The following PARL variants were observed in gnomAD, a reference collection of about 807,000 sequenced individuals.
PARL encodes the protein presenilin-associated rhomboid-like protein, mitochondrial.
In PARL, 44 loss-of-function variants were observed where a neutral mutation model predicts 51.6. The observed-to-expected ratio is 0.85, with a 90% CI of 0.67 to 1.10. PARL has a LOEUF of 1.10. PARL is among the 50% of genes least tolerant of loss of function. PARL has a pLI of 0.00. For missense variants in PARL, 441 were observed against 469.5 expected (o/e 0.94, Z 0.56); for synonymous variants, 172 against 164.0 (o/e 1.05, Z -0.37).
At chr3:183,877,168 C>T (rs963589460) in intron 1 of PARL, among the ~76,000 whole-genome samples, 9 of 152,066 alleles carry the variant, frequency 5.9e-5, no homozygotes, top group African/African-American at 1.7e-4. Flanking sequence ...GAGCCAAGAT[C>T]GTGCCATTGC....
At chr3:183,845,396 C>T (rs1248294326) in intron 4 of PARL, among the ~76,000 whole-genome samples, 1 of 152,090 alleles carries the variant, frequency 6.6e-6, no homozygotes, top group African/African-American at 2.4e-5. Flanking sequence ...ACATTTTTTC[C>T]ATTTTAATAT....
chr3:183,834,886 C>CAAAAAAAAAAAAAAA (rs60078452), intron 7 of PARL, among the ~76,000 whole-genome samples: 13 of 108,616 alleles, frequency 1.2e-4, no homozygotes, highest in Admixed American at 3.0e-4. Context: ...ACTAAAAATA[C>CAAAAAAAAAAAAAAA]AAAAAAAAAA....
chr3:183,879,730 G>A (rs1387688958), intron 1 of PARL: 25 of 978,960 alleles, frequency 2.6e-5, no homozygotes, highest in Non-Finnish European at 2.4e-5. Context: ...TTTTTTTGGT[G>A]GGCGGGGGGA....
At chr3:183,837,975 A>G (rs1728831276) in intron 7 of PARL, among the ~76,000 whole-genome samples, 1 of 152,004 alleles carries the variant, frequency 6.6e-6, no homozygotes, top group South Asian at 2.1e-4. Flanking sequence ...TATCCAGGAT[A>G]GTACCAATAC....
chr3:183,832,762 G>A (rs1388616264), intron 9 of PARL, among the ~76,000 whole-genome samples: 1 of 152,142 alleles, frequency 6.6e-6, no homozygotes, highest in Admixed American at 6.6e-5. Flanking sequence ...AAGCACACGT[G>A]GAAGGTCTTG....
intron 9 of PARL, among the ~76,000 whole-genome samples, chr3:183,832,966 C>T (rs1344833031): frequency 6.6e-6 from 1 of 152,152 alleles, no homozygotes; most frequent in African/African-American, 2.4e-5. Context: ...AATAGTATAA[C>T]ATAAGGGAAC....
intron 1 of PARL, among the ~76,000 whole-genome samples, chr3:183,869,569 C>A (rs935035842): frequency 6.6e-6 from 1 of 151,764 alleles, no homozygotes; most frequent in Non-Finnish European, 1.5e-5. Flanking sequence ...ATTATGATAT[C>A]CCTTCTAGAA....
intron 4 of PARL, among the ~76,000 whole-genome samples, chr3:183,858,752 G>C (rs1026076823): frequency 6.6e-6 from 1 of 152,098 alleles, no homozygotes; most frequent in Non-Finnish European, 1.5e-5. Context: ...AGAAAATTAG[G>C]TGAAATATAA....
At chr3:183,863,882 C>T (rs991937898) in intron 3 of PARL, among the ~76,000 whole-genome samples, 4 of 152,184 alleles carry the variant, frequency 2.6e-5, no homozygotes, top group Admixed American at 6.5e-5. Context: ...AGGTTTTATA[C>T]ATTCAACTTA....
intron 8 of PARL, 35 bp downstream of exon 8, chr3:183,833,689 C>T: frequency 1.4e-6 from 2 of 1,474,636 alleles, no homozygotes; most frequent in Non-Finnish European, 1.9e-6. Flanking sequence ...AACATCACCA[C>T]TATCCCCAGC....
intron 1 of PARL, among the ~76,000 whole-genome samples, chr3:183,876,632 A>G (rs866046776): frequency 0.051 from 6,094 of 118,402 alleles, 142 homozygotes; most frequent in Middle Eastern, 0.1. Flanking sequence ...AAAAAAAAAA[A>G]AAAAAAGAAA....
At chr3:183,835,842 C>A (rs752783015) in intron 7 of PARL, among the ~76,000 whole-genome samples, 1 of 150,516 alleles carries the variant, frequency 6.6e-6, no homozygotes, top group African/African-American at 2.4e-5. Context: ...CTCAAAAAAA[C>A]CCCAAAACAA....
At chr3:183,854,326 G>A (rs775080393) in intron 4 of PARL, among the ~76,000 whole-genome samples, 8 of 152,000 alleles carry the variant, frequency 5.3e-5, no homozygotes, top group Non-Finnish European at 1.2e-4. Flanking sequence ...AATAACAAGA[G>A]GTAGAAATAA....
chr3:183,845,522 C>T (rs764635296), intron 4 of PARL, among the ~76,000 whole-genome samples: 20 of 152,238 alleles, frequency 1.3e-4, no homozygotes, highest in Admixed American at 4.6e-4. Context: ...AGATGTCTCA[C>T]TAGCAGGGAC....
downstream of PARL, chr3:183,829,237 G>C: frequency 2.9e-6 from 1 of 349,126 alleles, no homozygotes; most frequent in East Asian, 6.9e-5. Flanking sequence ...AGGCTAAGCA[G>C]AGGCACTGGA....
chr3:183,871,554 G>A (rs1225234682), intron 1 of PARL, among the ~76,000 whole-genome samples: 19 of 139,074 alleles, frequency 1.4e-4, no homozygotes, highest in Non-Finnish European at 2.5e-4. Context: ...GAGGGGTGGG[G>A]AAGAACTAAT....
chr3:183,849,895 A>G (rs1163595348), intron 4 of PARL, among the ~76,000 whole-genome samples: 1 of 152,240 alleles, frequency 6.6e-6, no homozygotes, highest in Non-Finnish European at 1.5e-5. Flanking sequence ...ATTACTACAA[A>G]ATACAATGAA....
intron 4 of PARL, among the ~76,000 whole-genome samples, chr3:183,855,971 CAAAAAAAAAAACAAAA>C (rs769882383): frequency 7.6e-5 from 11 of 145,016 alleles, no homozygotes; most frequent in Admixed American, 4.8e-4. Context: ...AATAAACAAA[CAAAAAAAAAAACAAAA>C]AAAACCCCAC....
chr3:183,833,836 A>T lies in PARL; in HGVS notation c.829-11T>A. 1 of 1,565,250 alleles carries T rather than the reference A, an allele frequency of 6.4e-7. No homozygotes were observed. Among genetic ancestry groups the T allele is most frequent in the Non-Finnish European group, 8.8e-7 (1 of 1,135,214 alleles). Reference sequence around the variant, plus strand: ...CATGATGGCACCAGACTGCAAAGTAACACAGCAGGGAGAATGGGAAACTCA... The same window carrying T: ...CATGATGGCACCAGACTGCAAAGTATCACAGCAGGGAGAATGGGAAACTCA... On this transcript the variant is annotated splice_polypyrimidine_tract_variant and intron_variant, in intron 7 of 9. Coordinates refer to ENST00000317096, the MANE Select transcript of PARL (RefSeq NM_018622.7).
Sources: gnomAD v4.1 joint callset for allele counts (sites outside exome capture counted in the v4.1 genomes callset) on GRCh38, gnomAD v4.1.1 for gene constraint, MANE v1.5 for transcripts, NCBI Gene and HGNC (gene_info 2026-07-23, HGNC 2026-07-21) for gene names.